The following PDE4B variants were observed in gnomAD, a reference collection of about 807,000 sequenced individuals.
PDE4B encodes the protein phosphodiesterase 4B, also known as 3',5'-cyclic-AMP phosphodiesterase 4B.
PDE4B carries 20 observed loss-of-function variants against 82.2 expected under a neutral mutation model. The observed-to-expected ratio is 0.24, with a 90% confidence interval of 0.17 to 0.35. PDE4B has a LOEUF of 0.35. Ranked by LOEUF, PDE4B falls within the 10% of genes least tolerant of loss-of-function variation. The pLI is 1.00. For missense variants in PDE4B, 655 were observed against 907.2 expected, an observed-to-expected ratio of 0.72 and a Z score of 3.57; for synonymous variants, 320 against 318.9, an observed-to-expected ratio of 1.00 and a Z score of -0.04.
chr1:65,823,964 C>T (rs1331660588), intron 1 of PDE4B, among the ~76,000 whole-genome samples: 1 of 152,136 alleles, frequency 6.6e-6, no homozygotes, highest in East Asian at 1.9e-4. Flanking sequence ...GTTTATATTT[C>T]CCTTGTTCTC....
chr1:65,800,265 G>A (rs1034286648), intron 1 of PDE4B, among the ~76,000 whole-genome samples: 1 of 152,210 alleles, frequency 6.6e-6, no homozygotes, highest in Non-Finnish European at 1.5e-5. Context: ...ACACTTCTGT[G>A]ACTAGTACAA....
intron 3 of PDE4B, among the ~76,000 whole-genome samples, chr1:66,151,717 G>A (rs1197341790): frequency 1.3e-5 from 2 of 152,148 alleles, no homozygotes; most frequent in African/African-American, 2.4e-5. Flanking sequence ...TTGTTAATCT[G>A]TCTGTTTCTC....
At chr1:65,895,549 CAA>C (rs10605148) in intron 1 of PDE4B, among the ~76,000 whole-genome samples, 19,116 of 91,238 alleles carry the variant, frequency 0.21, 823 homozygotes, top group Non-Finnish European at 0.24. Flanking sequence ...GACACTGTCT[CAA>C]AAAAAAAAAA....
At chr1:66,206,745 G>T (rs1158126880) in intron 3 of PDE4B, among the ~76,000 whole-genome samples, 13 of 152,184 alleles carry the variant, frequency 8.5e-5, no homozygotes, top group Non-Finnish European at 1.9e-4. Context: ...TGGGCAGCCA[G>T]TCACCCATGG....
intron 3 of PDE4B, among the ~76,000 whole-genome samples, chr1:66,197,321 C>T (rs1397171360): frequency 6.6e-6 from 1 of 152,116 alleles, no homozygotes; most frequent in African/African-American, 2.4e-5. Flanking sequence ...TAATTGTATG[C>T]TCAGCTTAGA....
chr1:65,958,286 A>G (rs1557458685), intron 3 of PDE4B, among the ~76,000 whole-genome samples: 1 of 152,066 alleles, frequency 6.6e-6, no homozygotes. Flanking sequence ...ATATTTTCTA[A>G]TGATAAACTG....
chr1:66,154,589 T>G (rs1266596852), intron 3 of PDE4B, among the ~76,000 whole-genome samples: 8 of 152,218 alleles, frequency 5.3e-5, no homozygotes, highest in Non-Finnish European at 1.5e-5. Context: ...TTTTCTTTTG[T>G]TTTGCAATAC....
chr1:66,053,038 T>C (rs1363954130), intron 3 of PDE4B, among the ~76,000 whole-genome samples: 1 of 152,208 alleles, frequency 6.6e-6, no homozygotes, highest in Non-Finnish European at 1.5e-5. Flanking sequence ...TCTTTCTATG[T>C]GGGAGACAGT....
In PDE4B at chr1:66,368,768, C is replaced by A. The variant is rs754819772; in HGVS notation, c.1663-19C>A. The A allele has an allele frequency of 6.7e-7, 1 of 1,490,750 alleles. No individual in the cohort carries two copies. The highest frequency in any genetic ancestry group is 1.4e-5 in the South Asian group (1 of 71,222). 92.3% of individuals were successfully genotyped at this position (1,490,750 alleles called of 1,614,324 possible). On this transcript the variant is annotated intron_variant, in intron 15 of 16. Transcript: ENST00000341517. The stretch of plus-strand genomic sequence containing the variant: ...TTTACACCTAATTTTATGAGATTTC[C>A]AAAACTTGATGATTTCAGGTCCTTC...
intron 3 of PDE4B, among the ~76,000 whole-genome samples, chr1:66,245,246 A>T (rs1026786842): frequency 6.6e-6 from 1 of 152,190 alleles, no homozygotes; most frequent in Admixed American, 6.5e-5. Context: ...CAGTGGATGG[A>T]TGCTAACAGT....
At chr1:65,989,951 CAT>C (rs2100674252) in intron 3 of PDE4B, among the ~76,000 whole-genome samples, 1 of 144,998 alleles carries the variant, frequency 6.9e-6, no homozygotes, top group Admixed American at 6.9e-5. Flanking sequence ...TTGCCTTAAA[CAT>C]TTTTTTTTTC....
chr1:65,997,559 T>G (rs1004681173), intron 3 of PDE4B, among the ~76,000 whole-genome samples: 19 of 152,212 alleles, frequency 1.2e-4, no homozygotes, highest in African/African-American at 4.1e-4. Flanking sequence ...AGTCCTAGTT[T>G]GTTAGCTAAC....
chr1:66,232,552 A>G (rs1427745203), intron 3 of PDE4B, among the ~76,000 whole-genome samples: 1 of 152,194 alleles, frequency 6.6e-6, no homozygotes, highest in Non-Finnish European at 1.5e-5. Context: ...TCGGTGTAGA[A>G]AAAGAAAAGA....
At chr1:65,844,540 T>C (rs762976132) in intron 1 of PDE4B, among the ~76,000 whole-genome samples, 5 of 152,190 alleles carry the variant, frequency 3.3e-5, no homozygotes, top group Admixed American at 6.6e-5. Flanking sequence ...TACTGCCTTA[T>C]TTTGTGTTGG....
intron 3 of PDE4B, among the ~76,000 whole-genome samples, chr1:66,131,408 A>G (rs1012868230): frequency 2.0e-5 from 3 of 151,572 alleles, no homozygotes; most frequent in Admixed American, 6.6e-5. Context: ...TAAAATATTT[A>G]TGAGAAATCA....
At chr1:65,977,629 G>A (rs1650477951) in intron 3 of PDE4B, among the ~76,000 whole-genome samples, 1 of 152,138 alleles carries the variant, frequency 6.6e-6, no homozygotes, top group South Asian at 2.1e-4. Flanking sequence ...TGTACCATAG[G>A]GAAATGGAGA....
At chr1:66,150,236 A>G (rs1191733882) in intron 3 of PDE4B, among the ~76,000 whole-genome samples, 1 of 152,194 alleles carries the variant, frequency 6.6e-6, no homozygotes, top group Non-Finnish European at 1.5e-5. Flanking sequence ...TTGTAACCCC[A>G]TAAGAATTCT....
intron 3 of PDE4B, among the ~76,000 whole-genome samples, chr1:65,945,799 C>A (rs965703364): frequency 6.6e-6 from 1 of 151,944 alleles, no homozygotes; most frequent in African/African-American, 2.4e-5. Context: ...GCAGTGGATT[C>A]TGTCTGGTAG....
chr1:66,149,898 G>C (rs1321807813), intron 3 of PDE4B, among the ~76,000 whole-genome samples: 2 of 152,118 alleles, frequency 1.3e-5, no homozygotes, highest in Non-Finnish European at 2.9e-5. Flanking sequence ...ATAAAGTTTG[G>C]ACTCTGATAA....
Sources: gnomAD v4.1 joint callset for allele counts (sites outside exome capture counted in the v4.1 genomes callset) on GRCh38, gnomAD v4.1.1 for gene constraint, MANE v1.5 for transcripts, NCBI Gene and HGNC (gene_info 2026-07-23, HGNC 2026-07-21) for gene names.